MAP3K5: variants seen among roughly 807,000 people sequenced by gnomAD.
MAP3K5 encodes the protein ASK-1.
Under a neutral mutation model 158.7 loss-of-function variants are expected in MAP3K5, and 56 were observed. The observed-to-expected ratio is 0.35, with a 90% CI of 0.28 to 0.44. MAP3K5 has a LOEUF of 0.44. MAP3K5 is among the 20% of genes least tolerant of loss of function. MAP3K5 has a pLI of 1.00. For missense variants in MAP3K5, 1,294 were observed against 1,674.8 expected (o/e 0.77, Z 3.97); for synonymous variants, 579 against 601.7 (o/e 0.96, Z 0.55).
chr6:136,766,571 C>T (rs1783977143), intron 1 of MAP3K5, among the ~76,000 whole-genome samples: 1 of 152,186 alleles, frequency 6.6e-6, no homozygotes, highest in Admixed American at 6.5e-5. Flanking sequence ...CAAAACTGAA[C>T]AAGTCAGAAT....
intron 1 of MAP3K5, among the ~76,000 whole-genome samples, chr6:136,772,273 C>A (rs906160028): frequency 3.3e-5 from 5 of 152,116 alleles, no homozygotes; most frequent in African/African-American, 1.2e-4. Flanking sequence ...TAAAGTAATT[C>A]TCTAGCATAT....
At chr6:136,629,763 CTTCATTTATTTATTTA>C (rs1777238000) in intron 14 of MAP3K5, among the ~76,000 whole-genome samples, 1 of 138,758 alleles carries the variant, frequency 7.2e-6, no homozygotes, top group Admixed American at 7.6e-5. Context: ...CATATCTCAC[CTTCATTTATTTATTTA>C]TTTATTTATT....
chr6:136,739,882 C>T (rs1033335228), intron 1 of MAP3K5, among the ~76,000 whole-genome samples: 7 of 152,178 alleles, frequency 4.6e-5, no homozygotes, highest in African/African-American at 1.4e-4. Flanking sequence ...TGGTTGGGCC[C>T]TAAGCAAGCG....
Position 136,583,713 on chromosome 6 carries a change from C to T in MAP3K5, c.3253G>A (p.Glu1085Lys). ...QGAEEPKLKW[E>K]HITTLIASLR... is the part of the protein sequence containing the mutation. ...CTTGCAATGAGGGTTGTGATGTGTT[C>T]CCATTTTAGTTTCGGTTCTTCAGCC... Residue 1085 changes from glutamate to lysine, a missense_variant, in exon 24 of 30, where the codon GAA becomes AAA. Coordinates refer to ENST00000359015, the MANE Select transcript of MAP3K5 (RefSeq NM_005923.4). 1 of 1,614,042 alleles carries T rather than the reference C, an allele frequency of 6.2e-7. No homozygotes were observed.
At chr6:136,582,701 T>G (rs1774944203) in intron 24 of MAP3K5, among the ~76,000 whole-genome samples, 1 of 152,220 alleles carries the variant, frequency 6.6e-6, no homozygotes, top group Non-Finnish European at 1.5e-5. Context: ...ACACACTTTC[T>G]ACAAAGAAGC....
At chr6:136,573,660 A>G (rs936677220) in intron 25 of MAP3K5, among the ~76,000 whole-genome samples, 3 of 152,132 alleles carry the variant, frequency 2.0e-5, no homozygotes, top group African/African-American at 4.8e-5. Flanking sequence ...CTTGATAGAG[A>G]AAGAGGGAAG....
Position 136,631,985 on chromosome 6 carries a change from T to C in MAP3K5, c.2016+5340A>G, listed in dbSNP as rs954083703. 9.0e-4 allele frequency among the ~76,000 whole-genome samples: 137 copies of C among 152,146 alleles called. 3 individuals are homozygous for C. The highest frequency in any genetic ancestry group is 3.4e-3 in the Middle Eastern group (1 of 294). On this transcript the variant is annotated intron_variant, in intron 14 of 29. Transcript: ENST00000359015. ...AGCAAGAAGGGGAGTTGAGAAATGATTCAAAGAGAAAAGGACACAGGACCT... is the reference window on the plus strand; with the variant it reads ...AGCAAGAAGGGGAGTTGAGAAATGACTCAAAGAGAAAAGGACACAGGACCT...
intron 21 of MAP3K5, among the ~76,000 whole-genome samples, chr6:136,599,359 G>A (rs1775778027): frequency 6.6e-6 from 1 of 152,044 alleles, no homozygotes; most frequent in South Asian, 2.1e-4. Context: ...AAGCAAGAAC[G>A]GCGAAAGGGC....
chr6:136,558,839 T>C lies in MAP3K5; in HGVS notation c.4025A>G (p.Tyr1342Cys), dbSNP rs1318049001. The C allele has an allele frequency of 1.2e-6, 2 of 1,604,640 alleles. No homozygotes were observed. The highest frequency in any genetic ancestry group is 2.2e-5 in the East Asian group (1 of 44,804). ...AEDYTLLDVL[Y>C]YVTRDDLKCL... ...TTTTAAGTCATCACGTGTAACATAG[T>C]AGAGAACATCCAATAGTGTATAATC... Residue 1342 changes from tyrosine (Y) to cysteine (C), a missense_variant, in exon 29 of 30, where the codon TAC becomes TGC. By Grantham distance (194) the Tyr-to-Cys change is radical. Coordinates refer to ENST00000359015, the MANE Select transcript of MAP3K5 (RefSeq NM_005923.4).
intron 1 of MAP3K5, among the ~76,000 whole-genome samples, chr6:136,791,488 G>A (rs1176224861): frequency 1.3e-5 from 2 of 152,092 alleles, no homozygotes; most frequent in Admixed American, 1.3e-4. Context: ...GCGGTGGGTG[G>A]ATCCATAGGT....
At chr6:136,637,249 C>T (rs1055739859) in intron 14 of MAP3K5, 76 bp downstream of exon 14, 1 of 1,314,276 alleles carries the variant, frequency 7.6e-7, no homozygotes. Context: ...ATACACCCTG[C>T]CTCCTGCCTC....
chr6:136,568,513 G>T (rs1654836935), intron 25 of MAP3K5, among the ~76,000 whole-genome samples: 2 of 152,084 alleles, frequency 1.3e-5, no homozygotes, highest in Admixed American at 6.5e-5. Context: ...TTAAACCATA[G>T]AAGTTACAAT....
intron 1 of MAP3K5, among the ~76,000 whole-genome samples, chr6:136,784,243 C>T (rs980888117): frequency 2.6e-5 from 4 of 152,172 alleles, no homozygotes; most frequent in East Asian, 3.8e-4. Flanking sequence ...GAAGCAGAGC[C>T]GGTCATGACA....
chr6:136,767,583 T>C (rs1247892699), intron 1 of MAP3K5, among the ~76,000 whole-genome samples: 1 of 151,106 alleles, frequency 6.6e-6, no homozygotes, highest in Non-Finnish European at 1.5e-5. Context: ...TCAAGAAATG[T>C]AAATGAAACA....
chr6:136,662,963 G>C (rs1033886014), intron 8 of MAP3K5, among the ~76,000 whole-genome samples: 2 of 152,144 alleles, frequency 1.3e-5, no homozygotes, highest in African/African-American at 4.8e-5. Flanking sequence ...TTACACTGAG[G>C]ATTTTTTAAT....
chr6:136,640,025 A>T (rs1341800896), intron 12 of MAP3K5, among the ~76,000 whole-genome samples: 2 of 152,224 alleles, frequency 1.3e-5, no homozygotes, highest in African/African-American at 4.8e-5. Flanking sequence ...TAGAACAATG[A>T]AATGTTTCCA....
chr6:136,591,828 C>T (rs1443017871), intron 23 of MAP3K5, among the ~76,000 whole-genome samples: 1 of 152,170 alleles, frequency 6.6e-6, no homozygotes, highest in Admixed American at 6.5e-5. Context: ...GAATTAGCAA[C>T]TCACATGGCT....
chr6:136,781,064 C>T (rs1265857074), intron 1 of MAP3K5, among the ~76,000 whole-genome samples: 2 of 152,160 alleles, frequency 1.3e-5, no homozygotes, highest in Non-Finnish European at 2.9e-5. Context: ...TATGCTATCA[C>T]ATTAAGGGAA....
chr6:136,792,202 C>A lies in MAP3K5; in HGVS notation c.-45G>T, dbSNP rs761767447. 2.0e-5 allele frequency: 31 copies of A among 1,518,750 alleles called. No homozygotes were observed. The African/African-American group carries it at 3.7e-4, about 18-fold the overall frequency. The allele number at this position is 1,518,750 out of a possible 1,614,324, so 94.1% of individuals were successfully genotyped here. A position where few individuals can be genotyped will look rare whatever the true frequency, so the allele number is the denominator to read the frequency against. ...ACGGCGGCGGCGTCCCCCGCCCAGC[C>A]GCACCGCCTGGCCAGCCACAGCTCG... On this transcript the variant is annotated 5_prime_UTR_variant, in exon 1 of 30. Transcript: ENST00000359015. The surrounding 1 kb of genome is among the most constrained non-coding windows in gnomAD (Gnocchi z 5.7).
Sources: gnomAD v4.1 joint callset for allele counts (sites outside exome capture counted in the v4.1 genomes callset) on GRCh38, gnomAD v4.1.1 for gene constraint, Gnocchi (gnomAD v3.1) non-coding constraint, MANE v1.5 for transcripts, NCBI Gene and HGNC (gene_info 2026-07-23, HGNC 2026-07-21) for gene names.